PTPRN2: variants seen among roughly 807,000 people sequenced by gnomAD.
The protein encoded by PTPRN2 is receptor-type tyrosine-protein phosphatase N2.
A neutral mutation model predicts 118.8 loss-of-function variants in PTPRN2; 74 were observed. The ratio of observed to expected loss-of-function variants is 0.62; its 90% CI spans 0.52 to 0.76. The LOEUF is 0.76. Ranked by LOEUF, PTPRN2 falls within the 30% of genes least tolerant of loss-of-function variation. The pLI, the probability that PTPRN2 is intolerant of heterozygous loss-of-function variation, is 0.00. For missense variants in PTPRN2, 1,481 were observed against 1,394.4 expected, an observed-to-expected ratio of 1.06 and a Z score of -0.99; for synonymous variants, 641 against 608.0, an observed-to-expected ratio of 1.05 and a Z score of -0.80.
intron 12 of PTPRN2, among the ~76,000 whole-genome samples, chr7:157,814,786 C>A (rs539758963): frequency 4.6e-5 from 7 of 152,330 alleles, no homozygotes; most frequent in African/African-American, 1.7e-4. Context: ...AAAAACTGAG[C>A]TTCTTTTCAT....
chr7:158,290,971 C>A (rs1280915934), intron 3 of PTPRN2, among the ~76,000 whole-genome samples: 2 of 152,166 alleles, frequency 1.3e-5, no homozygotes, highest in East Asian at 1.9e-4. Context: ...GCATCTGATT[C>A]TTTAAGAAGT....
At chr7:158,145,934 T>A (rs1819929429) in intron 6 of PTPRN2, among the ~76,000 whole-genome samples, 1 of 152,234 alleles carries the variant, frequency 6.6e-6, no homozygotes. Flanking sequence ...TCTTCATGCC[T>A]CAGTTTCCAT....
At chr7:158,320,049 TCACAGTCTCCCTCACACACA>T (rs1802847285) in intron 2 of PTPRN2, among the ~76,000 whole-genome samples, 3 of 13,860 alleles carry the variant, frequency 2.2e-4, no homozygotes, top group Non-Finnish European at 3.1e-4. Flanking sequence ...TCACACACAC[TCACAGTCTCCCTCACACACA>T]CACACAGCCT....
At chr7:158,329,440 C>T (rs1293265827) in intron 2 of PTPRN2, among the ~76,000 whole-genome samples, 1 of 152,208 alleles carries the variant, frequency 6.6e-6, no homozygotes, top group African/African-American at 2.4e-5. Context: ...CTGCTGTTAG[C>T]AGGCGGACGG....
At chr7:158,166,522 C>T (rs1823009578) in intron 6 of PTPRN2, among the ~76,000 whole-genome samples, 3 of 149,986 alleles carry the variant, frequency 2.0e-5, no homozygotes, top group African/African-American at 5.0e-5. Context: ...TCCCCCCGGC[C>T]GCCGCGTTCC....
intron 9 of PTPRN2, among the ~76,000 whole-genome samples, chr7:158,111,301 GC>G (rs1270702801): frequency 1.3e-5 from 2 of 152,212 alleles, no homozygotes; most frequent in Non-Finnish European, 2.9e-5. Context: ...TGTGAACCAG[GC>G]CCCAGTGAGG....
chr7:158,137,142 G>A (rs1585570776), intron 7 of PTPRN2, among the ~76,000 whole-genome samples: 1 of 152,162 alleles, frequency 6.6e-6, no homozygotes, highest in East Asian at 1.9e-4. Flanking sequence ...ACCCCGGCTG[G>A]GCGCGGTGGC....
chr7:158,133,826 C>G lies in PTPRN2; in HGVS notation c.1407G>C (p.Ala469=). The G allele has an allele frequency of 6.2e-7, 1 of 1,613,990 alleles. No homozygotes were observed. Among genetic ancestry groups the G allele is most frequent in the Non-Finnish European group, 8.5e-7 (1 of 1,180,020 alleles). ...GCATCTGGTTTTGGAGCTCCCCAAA[C>G]GCAGCGGCCCCGGGCTCCGAATGCG... ...QQPHSEPGAA[A]FGELQNQMPG... The change falls in exon 9 of 23, where the codon GCG becomes GCC. Residue 469 remains alanine, a synonymous_variant. Coordinates refer to ENST00000389418, the MANE Select transcript of PTPRN2 (RefSeq NM_002847.5).
chr7:157,789,786 ATG>A (rs1804325080), intron 12 of PTPRN2, among the ~76,000 whole-genome samples: 1 of 125,982 alleles, frequency 7.9e-6, no homozygotes, highest in Non-Finnish European at 1.7e-5. Flanking sequence ...TGTATATGGT[ATG>A]TGTGTGGTGT....
chr7:158,309,725 G>C (rs545712476), intron 3 of PTPRN2, among the ~76,000 whole-genome samples: 20 of 151,998 alleles, frequency 1.3e-4, no homozygotes, highest in African/African-American at 4.8e-4. Context: ...CTTATCCCAG[G>C]AATATAAGAT....
In PTPRN2 at chr7:158,081,379, TG is replaced by T. The variant is rs1403555506; in HGVS notation, c.1644-3del. The T allele has an allele frequency of 6.2e-7, 1 of 1,613,854 alleles. No homozygotes were observed. The highest frequency in any genetic ancestry group is 2.2e-5 in the East Asian group (1 of 44,888). ...AAGGTCACTGCTGGTCCGAGAACCCTGGAAGGGATAATTTAAAATAAGTTCA... is the reference window on the plus strand; with the variant it reads ...AAGGTCACTGCTGGTCCGAGAACCCTGAAGGGATAATTTAAAATAAGTTCA... On this transcript the variant is annotated splice_polypyrimidine_tract_variant and splice_region_variant and intron_variant, in intron 10 of 22. Transcript: ENST00000389418.
intron 11 of PTPRN2, among the ~76,000 whole-genome samples, chr7:157,970,523 C>T (rs1438755791): frequency 6.6e-6 from 1 of 152,188 alleles, no homozygotes; most frequent in African/African-American, 2.4e-5. Context: ...CTGATGGCGT[C>T]CTCACCATTG....
intron 11 of PTPRN2, among the ~76,000 whole-genome samples, chr7:157,956,849 A>G (rs1310692283): frequency 6.6e-6 from 1 of 152,244 alleles, no homozygotes; most frequent in East Asian, 1.9e-4. Flanking sequence ...TGACTAATTC[A>G]TGTTTGGAAT....
intron 12 of PTPRN2, among the ~76,000 whole-genome samples, chr7:157,796,664 T>C (rs112675561): frequency 0.014 from 2,162 of 152,102 alleles, 55 homozygotes; most frequent in South Asian, 0.12. Context: ...GCTCTGCAGG[T>C]TGCACAGGGA....
chr7:158,183,234 T>C (rs1427841939), intron 5 of PTPRN2, among the ~76,000 whole-genome samples: 1 of 152,238 alleles, frequency 6.6e-6, no homozygotes, highest in Non-Finnish European at 1.5e-5. Context: ...TGTCTTTTTA[T>C]CCATTCTACC....
intron 11 of PTPRN2, among the ~76,000 whole-genome samples, chr7:157,910,598 C>T (rs1169804214): frequency 1.3e-5 from 2 of 152,388 alleles, no homozygotes; most frequent in East Asian, 1.9e-4. Flanking sequence ...CGGACGCTTC[C>T]TCTTTCCCAC....
chr7:158,437,983 TGGTTTCTCAGCCTCTTTCGACA>T (rs1042399378), intron 2 of PTPRN2, among the ~76,000 whole-genome samples: 9 of 152,206 alleles, frequency 5.9e-5, no homozygotes, highest in Admixed American at 5.2e-4. Context: ...AGCCCTTGCC[TGGTTTCTCAGCCTCTTTCGACA>T]GGAATCACAA....
intron 3 of PTPRN2, among the ~76,000 whole-genome samples, chr7:158,215,292 A>G (rs1448766767): frequency 6.6e-6 from 1 of 152,242 alleles, no homozygotes; most frequent in African/African-American, 2.4e-5. Context: ...AAGTGAGGAT[A>G]AAACAGTAGG....
rs184575270 is a variant in PTPRN2, at chr7:158,073,808, G to A, written c.1723+7490C>T. On this transcript the variant is annotated intron_variant, in intron 11 of 22. Transcript: ENST00000389418. ...AAAGGCTGTGAAAACAGGCATGGCA[G>A]CCTCGCATCATGGAAGGACCAGGGC... is the stretch of plus-strand genomic sequence containing the variant. Among the ~76,000 whole-genome samples the A allele has an allele frequency of 1.2e-4, 18 of 152,360 alleles. No individual in the cohort carries two copies. In the East Asian group the frequency reaches 3.5e-3, roughly 29 times the overall value.
Sources: gnomAD v4.1 joint callset for allele counts (sites outside exome capture counted in the v4.1 genomes callset) on GRCh38, gnomAD v4.1.1 for gene constraint, MANE v1.5 for transcripts, NCBI Gene and HGNC (gene_info 2026-07-23, HGNC 2026-07-21) for gene names.